Variants in PADI4 observed in about 807,000 individuals in gnomAD.
PADI4 encodes protein-arginine deiminase type-4.
A neutral mutation model predicts 75.0 loss-of-function variants in PADI4; 62 were observed. The observed-to-expected ratio is 0.83, with a 90% CI of 0.67 to 1.02. The LOEUF (loss-of-function observed/expected upper bound fraction) is 1.02. PADI4 is among the 50% of genes least tolerant of loss of function. The pLI is 0.00. For synonymous variants in PADI4, 361 were observed against 348.1 expected (o/e 1.04, Z -0.41); for missense variants, 845 against 850.5 (o/e 0.99, Z 0.08).
intron 6 of PADI4, among the ~76,000 whole-genome samples, chr1:17,340,344 G>A (rs2074395448): frequency 6.6e-6 from 1 of 152,176 alleles, no homozygotes. Flanking sequence ...CCAACGCTGT[G>A]ACATGCTATG....
chr1:17,354,989 CTAG>C (rs1165684143), intron 11 of PADI4, among the ~76,000 whole-genome samples: 6 of 152,176 alleles, frequency 3.9e-5, no homozygotes, highest in Non-Finnish European at 8.8e-5. Flanking sequence ...TACCACTACT[CTAG>C]TAGGGAAACA....
At chr1:17,357,855 C>T (rs1267291518) in intron 13 of PADI4, among the ~76,000 whole-genome samples, 18 of 149,946 alleles carry the variant, frequency 1.2e-4, no homozygotes, top group African/African-American at 3.4e-4. Flanking sequence ...CACTCGAACC[C>T]GGGAGGTGGA....
In PADI4 at chr1:17,334,306, A is replaced by ACT. The variant is rs1220064442; in HGVS notation, c.340+297_340+298insCT. On this transcript the variant is annotated intron_variant, in intron 3 of 15. Coordinates refer to ENST00000375448, the MANE Select transcript of PADI4 (RefSeq NM_012387.3). ...GATTTTCAATATATGCATCTCCATT[A>ACT]ATTTTTTTTTTTTTGAGATGGAGTC... 6 of 326,880 alleles carry ACT rather than the reference A, an allele frequency of 1.8e-5. No homozygotes were observed. In the African/African-American group the frequency reaches 2.0e-4, roughly 11 times the overall value. The allele number at this position is 326,880 out of a possible 1,614,324, so 20.2% of individuals were successfully genotyped here.
chr1:17,351,951 GT>G (rs2074638257), intron 10 of PADI4, among the ~76,000 whole-genome samples: 1 of 130,666 alleles, frequency 7.7e-6, no homozygotes, highest in Non-Finnish European at 1.6e-5. Context: ...GTGATGGGAG[GT>G]GGGAGGAGAG....
At chr1:17,332,468 T>C (rs1401960121) in intron 2 of PADI4, among the ~76,000 whole-genome samples, 8 of 152,168 alleles carry the variant, frequency 5.3e-5, no homozygotes. Flanking sequence ...CAGGCTGGTC[T>C]CAAACTCCTG....
intron 1 of PADI4, among the ~76,000 whole-genome samples, chr1:17,325,338 T>A (rs1199906381): frequency 6.6e-6 from 1 of 152,178 alleles, no homozygotes; most frequent in Non-Finnish European, 1.5e-5. Context: ...CTTTACAGTA[T>A]TTTTTCCTTT....
intron 5 of PADI4, 88 bp from the exon 6 acceptor site, chr1:17,339,600 T>C (rs1635578): frequency 0.66 from 951,097 of 1,447,374 alleles, 314,572 homozygotes; most frequent in Non-Finnish European, 0.68. Flanking sequence ...CGGTGGGGTG[T>C]GAGGCTCCAC....
rs191887310 is a variant in PADI4, at chr1:17,351,112, C to T, written c.1155+3064C>T. On this transcript the variant is annotated intron_variant, in intron 10 of 15. Coordinates refer to ENST00000375448, the MANE Select transcript of PADI4 (RefSeq NM_012387.3). ...ACTAGAGAGGCTGAGGTGGGAGGATCGCTTGAGCCCAGGAGGTCAAGGCTG... is the reference window on the plus strand; with the variant it reads ...ACTAGAGAGGCTGAGGTGGGAGGATTGCTTGAGCCCAGGAGGTCAAGGCTG... 3.3e-4 allele frequency among the ~76,000 whole-genome samples: 42 copies of T among 128,994 alleles called. 5 individuals are homozygous for T. Among genetic ancestry groups the T allele is most frequent in the Admixed American group, 8.6e-4 (10 of 11,642 alleles). 84.6% of individuals were successfully genotyped at this position (128,994 alleles called of 152,430 possible). A position where few individuals can be genotyped will look rare whatever the true frequency, so the allele number is the denominator to read the frequency against.
intron 1 of PADI4, among the ~76,000 whole-genome samples, chr1:17,330,129 A>G (rs2074183538): frequency 6.6e-6 from 1 of 152,168 alleles, no homozygotes; most frequent in African/African-American, 2.4e-5. Flanking sequence ...ACACCCCTCC[A>G]TGCCTACATC....
chr1:17,338,151 C>A lies in PADI4; in HGVS notation c.522C>A (p.Ser174Arg). The change falls in exon 5 of 16, where the codon AGC becomes AGA. Residue 174 changes from serine (S) to arginine (R), a missense_variant. Coordinates refer to ENST00000375448, the MANE Select transcript of PADI4 (RefSeq NM_012387.3). The part of the protein sequence containing the change: ...MDCEDDEVLD[S>R]EDLQDMSLMT... The stretch of plus-strand genomic sequence containing the variant: ...GCGAGGATGATGAAGTGCTTGACAG[C>A]GAAGGTAAAGAGCATTTGCTAGCTA... 1.3e-6 allele frequency: 2 copies of A among 1,599,148 alleles called. No individual in the cohort carries two copies. Among genetic ancestry groups the A allele is most frequent in the Non-Finnish European group, 8.6e-7 (1 of 1,166,802 alleles).
intron 10 of PADI4, among the ~76,000 whole-genome samples, chr1:17,353,677 C>CTGAA (rs2074708286): frequency 6.6e-6 from 1 of 152,108 alleles, no homozygotes; most frequent in Non-Finnish European, 1.5e-5. Flanking sequence ...AGGGACTTTG[C>CTGAA]TGAATGTAAT....
intron 1 of PADI4, among the ~76,000 whole-genome samples, chr1:17,308,541 G>T (rs2501798): frequency 6.6e-6 from 1 of 152,110 alleles, no homozygotes; most frequent in African/African-American, 2.4e-5. Flanking sequence ...AGGAACACAC[G>T]ACAGATAAAT....
At chr1:17,330,004 G>A (rs960213069) in intron 1 of PADI4, among the ~76,000 whole-genome samples, 41 of 152,126 alleles carry the variant, frequency 2.7e-4, no homozygotes, top group Non-Finnish European at 4.7e-4. Context: ...TTCTTAAGAG[G>A]AAGGTCCTTC....
At chr1:17,361,007 C>A (rs903266311) in intron 15 of PADI4, among the ~76,000 whole-genome samples, 1 of 152,176 alleles carries the variant, frequency 6.6e-6, no homozygotes, top group Non-Finnish European at 1.5e-5. Context: ...TACCCGAGAC[C>A]GAGGCAGAGA....
chr1:17,321,159 G>A (rs2074025987), intron 1 of PADI4, among the ~76,000 whole-genome samples: 1 of 152,194 alleles, frequency 6.6e-6, no homozygotes, highest in South Asian at 2.1e-4. Flanking sequence ...AACCCACTGA[G>A]ATGGGCCTTT....
intron 6 of PADI4, among the ~76,000 whole-genome samples, chr1:17,340,262 C>A (rs572728074): frequency 2.0e-4 from 30 of 152,160 alleles, no homozygotes; most frequent in Admixed American, 8.5e-4. Context: ...CGAGTCCCTG[C>A]CCTCGTGTTG....
Position 17,346,876 on chromosome 1 carries a change from C to T in PADI4, c.1047+737C>T, listed in dbSNP as rs887697590. 4.6e-5 allele frequency among the ~76,000 whole-genome samples: 7 copies of T among 152,162 alleles called. No homozygotes were observed. The highest frequency in any genetic ancestry group is 1.4e-4 in the African/African-American group (6 of 41,440). ...CGTCCATAAATTTCCCCCATCACCC[C>T]CAGCAGGAATTCATCCCTCTTTCTT... On this transcript the variant is annotated intron_variant, in intron 9 of 15. Coordinates refer to ENST00000375448, the MANE Select transcript of PADI4 (RefSeq NM_012387.3). This position sits in a 1 kb window ranked among gnomAD's most constrained non-coding sequence, Gnocchi z 4.3.
At chr1:17,332,387 C>CAG (rs2074230020) in intron 2 of PADI4, among the ~76,000 whole-genome samples, 1 of 152,182 alleles carries the variant, frequency 6.6e-6, no homozygotes, top group South Asian at 2.1e-4. Flanking sequence ...GCTGGGAGTA[C>CAG]AGGCACTCGC....
chr1:17,339,767 C>T lies in PADI4; in HGVS notation c.606C>T (p.His202=), dbSNP rs766856801. The change falls in exon 6 of 16, where the codon CAC becomes CAT. Residue 202 remains histidine, a synonymous_variant. Transcript: ENST00000375448. ...TCACAAACCATACACTGGTGCTCCA[C>T]GTGGCCAGGTCTGAGATGGACAAAG... is the stretch of plus-strand genomic sequence containing the variant. ...DFFTNHTLVL[H]VARSEMDKVR... is the part of the protein sequence containing the mutation. The T allele has an allele frequency of 6.8e-6, 11 of 1,613,816 alleles. No homozygotes were observed. Among genetic ancestry groups the T allele is most frequent in the Middle Eastern group, 1.7e-4 (1 of 6,058 alleles).
Sources: allele counts gnomAD v4.1 joint callset (sites outside exome capture counted in the v4.1 genomes callset), GRCh38; gene constraint gnomAD v4.1.1; non-coding constraint Gnocchi (gnomAD v3.1); transcripts MANE v1.5; gene names NCBI Gene and HGNC (gene_info 2026-07-23, HGNC 2026-07-21).